The following CAMK2B variants were observed in gnomAD, a reference collection of about 807,000 sequenced individuals.
The protein encoded by CAMK2B is calcium/calmodulin dependent protein kinase II beta.
Under a neutral mutation model 93.7 loss-of-function variants are expected in CAMK2B, and 27 were observed. The ratio of observed to expected loss-of-function variants is 0.29; its 90% CI spans 0.21 to 0.40. The LOEUF is 0.40. Ranked by LOEUF, CAMK2B falls within the 10% of genes least tolerant of loss-of-function variation. The pLI, the probability that CAMK2B is intolerant of heterozygous loss-of-function variation, is 1.00. For missense variants in CAMK2B, 568 were observed against 895.8 expected, an observed-to-expected ratio of 0.63 and a Z score of 4.67; for synonymous variants, 374 against 358.8, an observed-to-expected ratio of 1.04 and a Z score of -0.48.
At chr7:44,315,575 G>A (rs1048064062) in intron 1 of CAMK2B, among the ~76,000 whole-genome samples, 2 of 152,126 alleles carry the variant, frequency 1.3e-5, no homozygotes, top group African/African-American at 4.8e-5. Context: ...GCATTCCTAT[G>A]TGAATTTTAG....
At position 44,324,282 on chromosome 7, in the gene CAMK2B, G is replaced by A. The variant is rs571675420; in HGVS notation, c.65+1075C>T. Among the ~76,000 whole-genome samples, 27 of 152,358 alleles carry A rather than the reference G, an allele frequency of 1.8e-4. No homozygotes were observed. In the East Asian group the frequency reaches 5.0e-3, roughly 28 times the overall value. On this transcript the variant is annotated intron_variant, in intron 1 of 23. Coordinates refer to ENST00000395749, the MANE Select transcript of CAMK2B (RefSeq NM_001220.5). ...CGCCAGCACCGCCAGCGCCCCCACCGCCTGCACTGAAGGGACGGAGGAGGA... is the reference window on the plus strand; with the variant it reads ...CGCCAGCACCGCCAGCGCCCCCACCACCTGCACTGAAGGGACGGAGGAGGA...
chr7:44,323,282 C>T (rs571553314), intron 1 of CAMK2B, among the ~76,000 whole-genome samples: 8 of 152,256 alleles, frequency 5.3e-5, no homozygotes, highest in Non-Finnish European at 1.2e-4. Context: ...GGGCTCCCCT[C>T]GATGCCAGGC....
At chr7:44,229,332 G>C (rs146384997) in intron 18 of CAMK2B, 56 bp downstream of exon 18, 58 of 1,257,844 alleles carry the variant, frequency 4.6e-5, no homozygotes, top group Non-Finnish European at 6.1e-5. Context: ...GGCCCCTCTA[G>C]GGGGTTGCCA....
intron 5 of CAMK2B, among the ~76,000 whole-genome samples, chr7:44,249,544 G>A (rs530335653): frequency 1.3e-5 from 2 of 152,296 alleles, no homozygotes; most frequent in South Asian, 4.1e-4. Flanking sequence ...GGCTCCTCCT[G>A]TCCAACTGTG....
chr7:44,303,485 T>A (rs1790654361), intron 1 of CAMK2B, among the ~76,000 whole-genome samples: 1 of 152,182 alleles, frequency 6.6e-6, no homozygotes, highest in African/African-American at 2.4e-5. Context: ...GTCTGAGGTT[T>A]GTGAATACCA....
chr7:44,298,778 T>C (rs892927636), intron 1 of CAMK2B, among the ~76,000 whole-genome samples: 3 of 152,198 alleles, frequency 2.0e-5, no homozygotes, highest in African/African-American at 7.2e-5. Context: ...GTTGAAAATA[T>C]GTTCAACATC....
intron 1 of CAMK2B, among the ~76,000 whole-genome samples, chr7:44,295,822 T>C (rs544748041): frequency 1.3e-4 from 20 of 152,128 alleles, no homozygotes; most frequent in Admixed American, 1.2e-3. Context: ...GGAAGGAAAA[T>C]ACCCAACTCC....
chr7:44,295,938 A>G (rs1788190130), intron 1 of CAMK2B, among the ~76,000 whole-genome samples: 1 of 152,158 alleles, frequency 6.6e-6, no homozygotes, highest in Non-Finnish European at 1.5e-5. Flanking sequence ...GCTCGCTAAA[A>G]TACTGAGGCC....
intron 20 of CAMK2B, among the ~76,000 whole-genome samples, chr7:44,223,086 T>C (rs2096432024): frequency 6.6e-6 from 1 of 152,204 alleles, no homozygotes; most frequent in Non-Finnish European, 1.5e-5. Flanking sequence ...AACATGCACA[T>C]AAGCAGGACG....
At chr7:44,323,624 G>A (rs1796716169) in intron 1 of CAMK2B, among the ~76,000 whole-genome samples, 1 of 152,224 alleles carries the variant, frequency 6.6e-6, no homozygotes, top group African/African-American at 2.4e-5. Context: ...TGCAGTCTGA[G>A]GACACTGGGT....
intron 15 of CAMK2B, among the ~76,000 whole-genome samples, chr7:44,233,101 G>A (rs922670636): frequency 1.3e-5 from 2 of 152,126 alleles, no homozygotes; most frequent in African/African-American, 2.4e-5. Context: ...CCAGGCTGGC[G>A]GAGGTGCTGC....
intron 1 of CAMK2B, among the ~76,000 whole-genome samples, chr7:44,323,332 C>T (rs985907696): frequency 1.2e-4 from 19 of 152,264 alleles, no homozygotes; most frequent in African/African-American, 3.9e-4. Context: ...CCAGTGCTTT[C>T]GCTCAGGAGG....
intron 1 of CAMK2B, among the ~76,000 whole-genome samples, chr7:44,317,248 GAAAAAAA>G (rs556397526): frequency 9.5e-6 from 1 of 105,138 alleles, no homozygotes; most frequent in Non-Finnish European, 2.0e-5. Context: ...CAGGAAAAAT[GAAAAAAA>G]AAAAAAAAAG....
chr7:44,253,873 C>T (rs1384790816), intron 5 of CAMK2B, among the ~76,000 whole-genome samples: 1 of 149,958 alleles, frequency 6.7e-6, no homozygotes, highest in Non-Finnish European at 1.5e-5. Context: ...GTTAGGATTA[C>T]AGGTGTGAGC....
chr7:44,280,284 G>T (rs930989022), intron 2 of CAMK2B, among the ~76,000 whole-genome samples: 2 of 152,208 alleles, frequency 1.3e-5, no homozygotes, highest in African/African-American at 4.8e-5. Context: ...CCACAGGTGT[G>T]GGCCTGGTAT....
intron 1 of CAMK2B, among the ~76,000 whole-genome samples, chr7:44,317,106 C>CA (rs1175565023): frequency 6.6e-6 from 1 of 152,118 alleles, no homozygotes; most frequent in African/African-American, 2.4e-5. Flanking sequence ...TACTGTTTCC[C>CA]AAGCACCTAT....
In CAMK2B at chr7:44,292,228, T is replaced by C. The variant is rs114144342; in HGVS notation, c.66-8003A>G. 9.1e-3 allele frequency among the ~76,000 whole-genome samples: 1,380 copies of C among 152,270 alleles called. 25 individuals are homozygous for C. Among genetic ancestry groups the C allele is most frequent in the African/African-American group, 0.032 (1,319 of 41,550 alleles). The stretch of plus-strand genomic sequence containing the variant: ...CTTCACAGTTACATGGCATTCTCTC[T>C]GCTTGTGTCTCTGTGTCCAAGAACA... On this transcript the variant is annotated intron_variant, in intron 1 of 23. Coordinates refer to ENST00000395749, the MANE Select transcript of CAMK2B (RefSeq NM_001220.5).
rs1300813202 is a variant in CAMK2B at position 44,224,651 on chromosome 7, C to A, written c.1597+1865G>T. On this transcript the variant is annotated intron_variant, in intron 20 of 23. Coordinates refer to ENST00000395749, the MANE Select transcript of CAMK2B (RefSeq NM_001220.5). This position sits in a 1 kb window ranked among gnomAD's most constrained non-coding sequence, Gnocchi z 4.4. ...CTCATCCTGGCCTGGACTCCTGGGA[C>A]CCCAGGCTGGCCCCAAGCCCATCTC... 2.6e-5 allele frequency among the ~76,000 whole-genome samples: 4 copies of A among 152,158 alleles called. No homozygotes were observed. The East Asian group carries it at 7.7e-4, about 29-fold the overall frequency.
Position 44,239,677 on chromosome 7 carries a change from G to A in CAMK2B, c.947-14C>T. The A allele has an allele frequency of 8.2e-7, 1 of 1,219,834 alleles. No individual in the cohort carries two copies. Among genetic ancestry groups the A allele is most frequent in the Non-Finnish European group, 1.1e-6 (1 of 896,642 alleles). The allele number at this position is 1,219,834 out of a possible 1,614,324, so 75.6% of individuals were successfully genotyped here. ...TCTGTCTGCCCACTGTTAGCACCGG[G>A]TTAGAGACGAGGGGAAGGGAGGGGT... is the stretch of plus-strand genomic sequence containing the variant. On this transcript the variant is annotated splice_polypyrimidine_tract_variant and intron_variant, in intron 12 of 23. Transcript: ENST00000395749.
Sources: allele counts gnomAD v4.1 joint callset (sites outside exome capture counted in the v4.1 genomes callset), GRCh38; gene constraint gnomAD v4.1.1; non-coding constraint Gnocchi (gnomAD v3.1); transcripts MANE v1.5; gene names NCBI Gene and HGNC (gene_info 2026-07-23, HGNC 2026-07-21).